RAI1: variants seen among roughly 807,000 people sequenced by gnomAD.
RAI1 encodes retinoic acid induced 1.
A neutral mutation model predicts 123.8 loss-of-function variants in RAI1; 9 were observed. The ratio of observed to expected loss-of-function variants is 0.07; its 90% confidence interval spans 0.04 to 0.13. The LOEUF is 0.13. Among genes scored for constraint, RAI1 ranks in the 10% least tolerant of loss-of-function variants. The pLI, the probability that RAI1 is intolerant of heterozygous loss-of-function variation, is 1.00. For synonymous variants in RAI1, 1,231 were observed against 1,127.3 expected, an observed-to-expected ratio of 1.09 and a Z score of -1.84; for missense variants, 2,256 against 2,545.8, an observed-to-expected ratio of 0.89 and a Z score of 2.45.
intron 1 of RAI1, among the ~76,000 whole-genome samples, chr17:17,683,192 C>T (rs961221728): frequency 2.6e-5 from 4 of 152,196 alleles, no homozygotes; most frequent in Non-Finnish European, 4.4e-5. Flanking sequence ...GACGTCAGAG[C>T]AGGGGAATTA....
chr17:17,718,154 G>C (rs949175599), intron 1 of RAI1, among the ~76,000 whole-genome samples: 16 of 152,174 alleles, frequency 1.1e-4, no homozygotes, highest in African/African-American at 3.9e-4. Flanking sequence ...CCCCTGGTCG[G>C]GAGGTGGCCA....
At chr17:17,773,497 G>A (rs941093464) in intron 2 of RAI1, among the ~76,000 whole-genome samples, 2 of 152,152 alleles carry the variant, frequency 1.3e-5, no homozygotes, top group Non-Finnish European at 2.9e-5. Context: ...AAATCTAAAC[G>A]TTGCTGCTCA....
Position 17,717,935 on chromosome 17 carries a change from C to G in RAI1, c.-148-6093C>G, listed in dbSNP as rs1309701883. 3.9e-5 allele frequency among the ~76,000 whole-genome samples: 6 copies of G among 152,138 alleles called. 1 individual carries two copies. In the South Asian group the frequency reaches 1.2e-3, roughly 32 times the overall value. The stretch of plus-strand genomic sequence containing the variant: ...CTGTTTGAGCCTGAAGCTGCACTGA[C>G]CTCATGGGATGGCCTCCTGCAGTCA... On this transcript the variant is annotated intron_variant, in intron 1 of 5. Transcript: ENST00000353383.
chr17:17,736,234 C>A (rs371686781), intron 2 of RAI1, among the ~76,000 whole-genome samples: 1 of 152,122 alleles, frequency 6.6e-6, no homozygotes, highest in African/African-American at 2.4e-5. Context: ...AGACCCCCAC[C>A]GCCTCTGTCC....
At chr17:17,734,524 G>A (rs1413867063) in intron 2 of RAI1, among the ~76,000 whole-genome samples, 1 of 152,200 alleles carries the variant, frequency 6.6e-6, no homozygotes, top group African/African-American at 2.4e-5. Context: ...CTAACAAATG[G>A]TACTTATCCT....
intron 2 of RAI1, among the ~76,000 whole-genome samples, chr17:17,730,116 G>A (rs1241399605): frequency 6.6e-6 from 1 of 152,182 alleles, no homozygotes; most frequent in Non-Finnish European, 1.5e-5. Flanking sequence ...CACTGAAGCA[G>A]GCAGAGAGAC....
At chr17:17,785,366 GTTTA>G (rs2031791611) in intron 2 of RAI1, among the ~76,000 whole-genome samples, 1 of 152,208 alleles carries the variant, frequency 6.6e-6, no homozygotes, top group Non-Finnish European at 1.5e-5. Flanking sequence ...CATCTCATCT[GTTTA>G]TTTATCCAAG....
chr17:17,804,062 T>C (rs928610167), intron 4 of RAI1: 6 of 671,566 alleles, frequency 8.9e-6, no homozygotes, highest in Admixed American at 6.3e-5. Context: ...AGGCACCTGC[T>C]TGAGGAGTGC....
chr17:17,727,133 A>C (rs1325784463), intron 2 of RAI1, among the ~76,000 whole-genome samples: 1 of 152,246 alleles, frequency 6.6e-6, no homozygotes. Flanking sequence ...GACTGCCTGC[A>C]GTGGGAGAAA....
chr17:17,803,168 C>T (rs1349907719), intron 3 of RAI1, among the ~76,000 whole-genome samples: 1 of 150,850 alleles, frequency 6.6e-6, no homozygotes. Context: ...GCAGCAGATG[C>T]TGGCTGGTAG....
intron 4 of RAI1, among the ~76,000 whole-genome samples, chr17:17,804,722 C>T (rs2032562580): frequency 6.6e-6 from 1 of 152,096 alleles, no homozygotes. Context: ...TGCAGGGGTG[C>T]AGTCGTGGCT....
rs766547847 is a variant in RAI1 at position 17,795,641 on chromosome 17, T to C, written c.2693T>C (p.Ile898Thr). ...QDPLSPKAPL[I>T]CTKEEVEEVL... ...CCGCTGTCACCCAAGGCCCCACTCA[T>C]CTGCACCAAGGAGGAGGTGGAGGAG... Residue 898 changes from isoleucine to threonine, a missense_variant, in exon 3 of 6, where the codon ATC (isoleucine) becomes ACC (threonine). Transcript: ENST00000353383. This position sits in a 1 kb window ranked among gnomAD's most constrained non-coding sequence, Gnocchi z 5.9. The C allele has an allele frequency of 1.9e-6, 3 of 1,613,232 alleles. No homozygotes were observed. Among genetic ancestry groups the C allele is most frequent in the Non-Finnish European group, 2.5e-6 (3 of 1,179,936 alleles).
At chr17:17,736,320 C>A (rs1916431660) in intron 2 of RAI1, among the ~76,000 whole-genome samples, 1 of 152,196 alleles carries the variant, frequency 6.6e-6, no homozygotes, top group Admixed American at 6.5e-5. Flanking sequence ...TCTCAGTCAT[C>A]CCAAACTCTG....
At chr17:17,688,501 A>ATAAG (rs1388718569) in intron 1 of RAI1, among the ~76,000 whole-genome samples, 1 of 152,088 alleles carries the variant, frequency 6.6e-6, no homozygotes, top group Non-Finnish European at 1.5e-5. Flanking sequence ...AAATAAATAA[A>ATAAG]CAAAATGAGG....
chr17:17,735,673 C>T (rs962014085), intron 2 of RAI1, among the ~76,000 whole-genome samples: 2 of 152,190 alleles, frequency 1.3e-5, no homozygotes, highest in Non-Finnish European at 2.9e-5. Flanking sequence ...TGCACTTCCT[C>T]TCATTCAGAA....
intron 1 of RAI1, among the ~76,000 whole-genome samples, chr17:17,698,190 C>T (rs1380726731): frequency 6.6e-6 from 1 of 152,202 alleles, no homozygotes; most frequent in Non-Finnish European, 1.5e-5. Flanking sequence ...CCCTGGACCT[C>T]AGTTTCCTCT....
intron 2 of RAI1, among the ~76,000 whole-genome samples, chr17:17,786,998 G>C (rs1460462809): frequency 6.6e-6 from 1 of 152,178 alleles, no homozygotes; most frequent in Non-Finnish European, 1.5e-5. Context: ...CCCAGATCGC[G>C]CCATTACACT....
At chr17:17,755,441 C>T (rs1398058677) in intron 2 of RAI1, among the ~76,000 whole-genome samples, 4 of 152,166 alleles carry the variant, frequency 2.6e-5, no homozygotes, top group African/African-American at 9.7e-5. Context: ...CTGTTTGCCA[C>T]GACCTTGGGG....
At position 17,797,231 on chromosome 17, in the gene RAI1, C is replaced by A. The variant is rs1176497855; in HGVS notation, c.4283C>A (p.Ala1428Asp). 4 of 1,613,596 alleles carry A rather than the reference C, an allele frequency of 2.5e-6. No homozygotes were observed. Among genetic ancestry groups the A allele is most frequent in the Non-Finnish European group, 2.5e-6 (3 of 1,180,040 alleles). The change falls in exon 3 of 6, where the codon GCC becomes GAC. Residue 1428 changes from alanine to aspartate, a missense_variant. Physicochemically the swap from Ala to Asp is moderately radical, Grantham distance 126. Transcript: ENST00000353383. The part of the protein sequence containing the change: ...LSSTDCFKTE[A>D]FTSPEALQPG... The stretch of plus-strand genomic sequence containing the variant: ...TCTACTGACTGTTTCAAAACCGAGG[C>A]CTTCACATCCCCGGAGGCCCTGCAG...
Sources: allele counts gnomAD v4.1 joint callset (sites outside exome capture counted in the v4.1 genomes callset), GRCh38; gene constraint gnomAD v4.1.1; non-coding constraint Gnocchi (gnomAD v3.1); transcripts MANE v1.5; gene names NCBI Gene and HGNC (gene_info 2026-07-23, HGNC 2026-07-21).